Variants in PRDM7 observed in about 807,000 individuals in gnomAD.
PRDM7 encodes PR/SET domain 7.
A neutral mutation model predicts 64.3 loss-of-function variants in PRDM7; 52 were observed. The ratio of observed to expected loss-of-function variants is 0.81; its 90% CI spans 0.65 to 1.02. The LOEUF (loss-of-function observed/expected upper bound fraction) is 1.02. PRDM7 is among the 50% of genes least tolerant of loss of function. The probability of loss-of-function intolerance (pLI) is 0.00; values close to 1 mark genes in which losing one functional copy is unlikely to be tolerated. For missense variants in PRDM7, 574 were observed against 597.1 expected, an observed-to-expected ratio of 0.96 and a Z score of 0.40; for synonymous variants, 192 against 210.1, an observed-to-expected ratio of 0.91 and a Z score of 0.74.
At chr16:90,077,104 T>TA (rs1213847262) in intron 1 of PRDM7, 122 bp downstream of exon 1, 6 of 152,146 alleles carry the variant, frequency 3.9e-5, no homozygotes, top group Non-Finnish European at 7.3e-5. Flanking sequence ...GAGGGGATTT[T>TA]AAATCCCTCA....
At chr16:90,072,179 C>T (rs1321041959) in intron 4 of PRDM7, among the ~76,000 whole-genome samples, 3 of 149,440 alleles carry the variant, frequency 2.0e-5, no homozygotes, top group African/African-American at 7.4e-5. Flanking sequence ...TGCAGTGAGC[C>T]GAGATTGCGC....
intron 6 of PRDM7, 59 bp from the exon 7 acceptor site, chr16:90,062,561 C>T: frequency 7.1e-7 from 1 of 1,407,476 alleles, no homozygotes. Flanking sequence ...GTCCTTGTTT[C>T]ATAAGAAAAT....
At chr16:90,076,026 A>G in intron 1 of PRDM7, 31 bp from the exon 2 acceptor site, 2 of 1,201,684 alleles carry the variant, frequency 1.7e-6, no homozygotes, top group Non-Finnish European at 1.2e-6. Context: ...GAGATGGGGC[A>G]ACAGCCCTGA....
In PRDM7 at chr16:90,060,372, G is replaced by C. The variant is rs368836056; in HGVS notation, c.1202C>G (p.Ala401Gly). 1.4e-5 allele frequency: 23 copies of C among 1,613,778 alleles called. No individual in the cohort carries two copies. The highest frequency in any genetic ancestry group is 1.9e-5 in the Non-Finnish European group (22 of 1,179,874). The change falls in exon 10 of 11, where the codon GCA (alanine) becomes GGA (glycine). Residue 401 changes from alanine to glycine, a missense_variant. By Grantham distance (60) the Ala-to-Gly change is moderately conservative. Coordinates refer to ENST00000449207, the MANE Select transcript of PRDM7 (RefSeq NM_001098173.2). ...MARNWASSGA[A>G]SGRKSSWQGE... is the part of the protein sequence containing the mutation. The stretch of plus-strand genomic sequence containing the variant: ...CTGCCATGAGCTCTTTCTTCCACTT[G>C]CTGCCCCACTTGATGCCCAGTTCCT...
intron 4 of PRDM7, 65 bp from the exon 5 acceptor site, chr16:90,066,975 T>C: frequency 1.4e-6 from 2 of 1,404,616 alleles, no homozygotes; most frequent in East Asian, 2.4e-5. Context: ...AGATTTTTTT[T>C]TCTTTTTGAT....
rs149720735 is a variant in PRDM7 at position 90,063,922 on chromosome 16, G to A, written c.352-154C>T. ...GAGGGAAAAGACAAGGTCTAAGTGG[G>A]TAGTGAATCTGGGACTCTAACCCAT... is the stretch of plus-strand genomic sequence containing the variant. On this transcript the variant is annotated intron_variant, in intron 5 of 10. Coordinates refer to ENST00000449207, the MANE Select transcript of PRDM7 (RefSeq NM_001098173.2). Among the ~76,000 whole-genome samples, 331 of 152,348 alleles carry A rather than the reference G, an allele frequency of 2.2e-3. 3 individuals carry two copies. The highest frequency in any genetic ancestry group is 7.7e-3 in the African/African-American group (321 of 41,588).
rs144617453 is a variant in PRDM7, at chr16:90,058,364, G to A, written c.1404C>T (p.Ser468=). 2.1e-4 allele frequency: 333 copies of A among 1,614,146 alleles called. 1 individual carries two copies. The highest frequency in any genetic ancestry group is 1.4e-3 in the African/African-American group (108 of 75,036). The stretch of plus-strand genomic sequence containing the variant: ...CAGCAGCGTGGATCAGAATATTGCC[G>A]CTCCTGATTCTGATCCCCTGGGCAG... ...RIPAQGIRIR[S]GNILIHAAVM... is the part of the protein sequence containing the mutation. Residue 468 remains serine (S), a synonymous_variant, in exon 11 of 11, where the codon AGC becomes AGT. Transcript: ENST00000449207.
Position 90,057,739 on chromosome 16 carries a change from G to C in PRDM7, c.*550C>G, listed in dbSNP as rs1447771176. 3.2e-6 allele frequency: 4 copies of C among 1,266,438 alleles called. No homozygotes were observed. In the Admixed American group the frequency reaches 1.1e-4, roughly 36 times the overall value. The allele number at this position is 1,266,438 out of a possible 1,614,324, so 78.5% of individuals were successfully genotyped here. A position where few individuals can be genotyped will look rare whatever the true frequency, so the allele number is the denominator to read the frequency against. ...TCTCGGGGAATGTAAGGGGTTAGCA[G>C]ACTTTCGCTGAAGCCACCTCAGAGC... On this transcript the variant is annotated 3_prime_UTR_variant, in exon 11 of 11. Coordinates refer to ENST00000449207, the MANE Select transcript of PRDM7 (RefSeq NM_001098173.2).
chr16:90,062,196 G>A lies in PRDM7; in HGVS notation c.611-4C>T. On this transcript the variant is annotated splice_polypyrimidine_tract_variant and splice_region_variant and intron_variant, in intron 7 of 10. Coordinates refer to ENST00000449207, the MANE Select transcript of PRDM7 (RefSeq NM_001098173.2). ...AAGTTCTGACACATCTCACAATCTG[G>A]AAGTGAGGGAAGCAGGGATTAGGAA... 2 of 1,614,258 alleles carry A rather than the reference G, an allele frequency of 1.2e-6. No individual in the cohort carries two copies. Among genetic ancestry groups the A allele is most frequent in the Non-Finnish European group, 1.7e-6 (2 of 1,180,044 alleles).
rs1173407574 is a variant in PRDM7, at chr16:90,057,543, AAATTAATTAG to A, written c.*736_*745del. 6 of 307,878 alleles carry A rather than the reference AAATTAATTAG, an allele frequency of 1.9e-5. No individual in the cohort carries two copies. The highest frequency in any genetic ancestry group is 3.4e-5 in the Non-Finnish European group (6 of 178,684). 19.1% of individuals were successfully genotyped at this position (307,878 alleles called of 1,614,324 possible). On this transcript the variant is annotated 3_prime_UTR_variant, in exon 11 of 11. Transcript: ENST00000449207. ...TGGGGTTCAGATATGTATGGAGACA[AAATTAATTAG>A]AACAGGAGGCAAAACACAAAAAATG...
intron 4 of PRDM7, among the ~76,000 whole-genome samples, chr16:90,072,436 G>C (rs4785625): frequency 0.53 from 80,115 of 152,022 alleles, 23,285 homozygotes; most frequent in Middle Eastern, 0.77. Context: ...CTGTGACATG[G>C]GTGAATCTTG....
chr16:90,060,463 T>C lies in PRDM7; in HGVS notation c.1111A>G (p.Ile371Val), dbSNP rs773655761. Residue 371 changes from isoleucine to valine, a missense_variant, in exon 10 of 11, where the codon ATA becomes GTA. Ile to Val is a conservative substitution (Grantham distance 29). Coordinates refer to ENST00000449207, the MANE Select transcript of PRDM7 (RefSeq NM_001098173.2). ...TGGCCTAATGACTCGGCAGGTTCTA[T>C]AGAAGATCTGATGCCCAGTTCCTGG... ...YGQELGIRSS[I>V]EPAESLGQAV... The C allele has an allele frequency of 2.5e-6, 4 of 1,613,676 alleles. No homozygotes were observed. In the African/African-American group the frequency reaches 5.3e-5, roughly 22 times the overall value.
chr16:90,058,179 T>C lies in PRDM7; in HGVS notation c.*110A>G, dbSNP rs1475733814. On this transcript the variant is annotated 3_prime_UTR_variant, in exon 11 of 11. Transcript: ENST00000449207. ...TGTTCCCTGGATTCACTTTCTGGCC[T>C]GTTCTGGACTCTTCTTCCATCATTC... 1.9e-6 allele frequency: 3 copies of C among 1,614,126 alleles called. No homozygotes were observed. The highest frequency in any genetic ancestry group is 1.6e-4 in the Middle Eastern group (1 of 6,084).
chr16:90,068,487 T>C (rs1465038396), intron 4 of PRDM7, among the ~76,000 whole-genome samples: 1 of 149,628 alleles, frequency 6.7e-6, no homozygotes, highest in Non-Finnish European at 1.5e-5. Flanking sequence ...TACAAAAAAT[T>C]AGCTGGGTGT....
chr16:90,063,788 T>A lies in PRDM7; in HGVS notation c.352-20A>T, dbSNP rs781356372. 3 of 1,613,562 alleles carry A rather than the reference T, an allele frequency of 1.9e-6. No individual in the cohort carries two copies. Among genetic ancestry groups the A allele is most frequent in the African/African-American group, 2.7e-5 (2 of 74,938 alleles). On this transcript the variant is annotated intron_variant, in intron 5 of 10. Coordinates refer to ENST00000449207, the MANE Select transcript of PRDM7 (RefSeq NM_001098173.2). Reference sequence around the variant, plus strand: ...CATTCCCTTTAATGTGAGAATCACATATTAAAAGACAACGTGCATTTATTT... The same window carrying A: ...CATTCCCTTTAATGTGAGAATCACAAATTAAAAGACAACGTGCATTTATTT...
intron 6 of PRDM7, among the ~76,000 whole-genome samples, chr16:90,063,387 G>A (rs1302911395): frequency 1.5e-4 from 22 of 151,624 alleles, no homozygotes; most frequent in Admixed American, 1.4e-3. Context: ...GCAGTGAACC[G>A]AGATCTCACC....
At chr16:90,061,130 C>T (rs1232537967) in intron 9 of PRDM7, among the ~76,000 whole-genome samples, 1 of 152,220 alleles carries the variant, frequency 6.6e-6, no homozygotes, top group Non-Finnish European at 1.5e-5. Flanking sequence ...AAGTAGTGAA[C>T]TTCACTTCCT....
chr16:90,062,033 C>A lies in PRDM7; in HGVS notation c.770G>T (p.Gly257Val). 1 of 1,614,252 alleles carries A rather than the reference C, an allele frequency of 6.2e-7. No individual in the cohort carries two copies. The highest frequency in any genetic ancestry group is 8.5e-7 in the Non-Finnish European group (1 of 1,180,050). ...RIGPSGIPQAGLGVWNEASDL... is the reference protein window; with the variant it reads ...RIGPSGIPQAVLGVWNEASDL... ...AGATGCCTCGTTCCATACTCCAAGC[C>A]CAGCCTGAGGGATGCCTGATGGCCC... The change falls in exon 8 of 11, where the codon GGG (glycine) becomes GTG (valine). Residue 257 changes from glycine (G) to valine (V), a missense_variant. By Grantham distance (109) the Gly-to-Val change is moderately radical. Transcript: ENST00000449207.
At position 90,075,436 on chromosome 16, in the gene PRDM7, G is replaced by T. The variant is rs770868966; in HGVS notation, c.108C>A (p.Thr36=). ...CTCCCATTTCTGCCCATTCTTCCTT[G>T]GTGAAGTATATGGAAATGTCTTTGA... ...DAFKDISIYF[T]KEEWAEMGDW... is the part of the protein sequence containing the mutation. The change falls in exon 3 of 11, where the codon ACC becomes ACA. Residue 36 remains threonine, a synonymous_variant. Coordinates refer to ENST00000449207, the MANE Select transcript of PRDM7 (RefSeq NM_001098173.2). The surrounding 1 kb of genome is among the most constrained non-coding windows in gnomAD (Gnocchi z 4.3). 9.3e-6 allele frequency: 15 copies of T among 1,613,976 alleles called. No individual in the cohort carries two copies. In the East Asian group the frequency reaches 3.1e-4, roughly 34 times the overall value.
Sources: gnomAD v4.1 joint callset for allele counts (sites outside exome capture counted in the v4.1 genomes callset) on GRCh38, gnomAD v4.1.1 for gene constraint, Gnocchi (gnomAD v3.1) non-coding constraint, MANE v1.5 for transcripts, NCBI Gene and HGNC (gene_info 2026-07-23, HGNC 2026-07-21) for gene names.